RBFOX1: variants seen among roughly 807,000 people sequenced by gnomAD.
RBFOX1 encodes the protein RNA binding fox-1 homolog 1.
A neutral mutation model predicts 57.7 loss-of-function variants in RBFOX1; 8 were observed. The ratio of observed to expected loss-of-function variants is 0.14; its 90% CI spans 0.08 to 0.25. The LOEUF (loss-of-function observed/expected upper bound fraction) is 0.25. Ranked by LOEUF, RBFOX1 falls within the 10% of genes least tolerant of loss-of-function variation. RBFOX1 has a pLI of 1.00. For missense variants in RBFOX1, 611 were observed against 548.5 expected (o/e 1.11, Z -1.14); for synonymous variants, 326 against 222.4 (o/e 1.47, Z -4.15).
rs189921684 is a variant in RBFOX1, at chr16:5,808,498, A to G, written c.319-58805A>G. Among the ~76,000 whole-genome samples, 206 of 152,284 alleles carry G rather than the reference A, an allele frequency of 1.4e-3. 1 individual carries two copies. Among genetic ancestry groups the G allele is most frequent in the Non-Finnish European group, 1.3e-3 (88 of 68,030 alleles). The stretch of plus-strand genomic sequence containing the variant: ...GATGGAGATGGCATTGAATCTATCA[A>G]TTACCTTGGGCAGTATGGCCATTTT... On this transcript the variant is annotated intron_variant, in intron 3 of 19. Coordinates refer to the RBFOX1 transcript ENST00000641259.
chr16:7,412,566 T>C lies in RBFOX1; in HGVS notation c.28-105581T>C, dbSNP rs1162525770. Reference sequence around the variant, plus strand: ...AATAAACATAAGCCCACACAAAAAATATGGACTAATCAAATACTTTCTAGA... The same window carrying C: ...AATAAACATAAGCCCACACAAAAAACATGGACTAATCAAATACTTTCTAGA... On this transcript the variant is annotated intron_variant, in intron 4 of 15. Transcript: ENST00000550418. 2.6e-5 allele frequency among the ~76,000 whole-genome samples: 4 copies of C among 152,102 alleles called. No individual in the cohort carries two copies. The East Asian group carries it at 7.7e-4, about 29-fold the overall frequency.
Position 6,900,781 on chromosome 16 carries a change from C to T in RBFOX1, c.-15-151276C>T, listed in dbSNP as rs566070727. ...TCTACGTGTAAGACCCTCTCCTCTT[C>T]CTTCACAGCACACAATGCCATTCCT... On this transcript the variant is annotated intron_variant, in intron 3 of 15. Coordinates refer to ENST00000550418, the MANE Select transcript of RBFOX1 (RefSeq NM_018723.4). Among the ~76,000 whole-genome samples the T allele has an allele frequency of 3.9e-5, 6 of 152,328 alleles. No homozygotes were observed. The East Asian group carries it at 1.2e-3, about 29-fold the overall frequency.
rs146605158 is a variant in RBFOX1, at chr16:5,287,486, C to T, written c.219+47381C>T. On this transcript the variant is annotated intron_variant, in intron 1 of 2. Transcript: ENST00000585867. Reference sequence around the variant, plus strand: ...AAAATCTACAGAGATAAAGGACGGTCGCCCTTGTATCCGTTAGTTGTTGTC... The same window carrying T: ...AAAATCTACAGAGATAAAGGACGGTTGCCCTTGTATCCGTTAGTTGTTGTC... 6.7e-3 allele frequency among the ~76,000 whole-genome samples: 1,022 copies of T among 152,312 alleles called. 7 individuals are homozygous for T. The highest frequency in any genetic ancestry group is 0.02 in the Middle Eastern group (6 of 294).
intron 3 of RBFOX1, among the ~76,000 whole-genome samples, chr16:6,808,178 G>GTGTGTGTGTGTGTGTGTGTGTA (rs1318609964): frequency 4.3e-4 from 63 of 145,572 alleles, no homozygotes; most frequent in African/African-American, 1.6e-3. Flanking sequence ...GTGTGTGTGT[G>GTGTGTGTGTGTGTGTGTGTGTA]TATATATATA....
intron 4 of RBFOX1, among the ~76,000 whole-genome samples, chr16:5,987,265 T>A (rs1374346874): frequency 6.6e-6 from 1 of 152,224 alleles, no homozygotes; most frequent in Non-Finnish European, 1.5e-5. Flanking sequence ...GTTATTTTTA[T>A]ATTCTGGATA....
At chr16:6,957,406 G>A (rs531835260) in intron 3 of RBFOX1, among the ~76,000 whole-genome samples, 7 of 149,902 alleles carry the variant, frequency 4.7e-5, no homozygotes, top group South Asian at 2.1e-4. Flanking sequence ...ACGCTCAGCC[G>A]GTTATTTCTT....
intron 1 of RBFOX1, among the ~76,000 whole-genome samples, chr16:5,377,902 T>A (rs552435282): frequency 3.6e-4 from 55 of 151,850 alleles, no homozygotes; most frequent in African/African-American, 1.3e-3. Flanking sequence ...AGAACAGTTT[T>A]CCGTTTGAAA....
intron 4 of RBFOX1, among the ~76,000 whole-genome samples, chr16:7,068,754 A>AT (rs1243161956): frequency 6.6e-6 from 1 of 151,892 alleles, no homozygotes; most frequent in African/African-American, 2.4e-5. Context: ...CACCCAGCTA[A>AT]TTTTTTGTAT....
At chr16:6,598,131 C>T (rs1276886900) in intron 2 of RBFOX1, among the ~76,000 whole-genome samples, 1 of 152,174 alleles carries the variant, frequency 6.6e-6, no homozygotes, top group East Asian at 1.9e-4. Context: ...CCAATGTATC[C>T]ACATCCGTGT....
chr16:6,632,351 G>T (rs563976394), intron 2 of RBFOX1, among the ~76,000 whole-genome samples: 8 of 152,130 alleles, frequency 5.3e-5, no homozygotes, highest in African/African-American at 1.9e-4. Flanking sequence ...AAAAAAAAAG[G>T]TCTGAACTTG....
intron 5 of RBFOX1, among the ~76,000 whole-genome samples, chr16:7,541,399 T>C (rs1360156626): frequency 2.6e-5 from 4 of 152,182 alleles, no homozygotes; most frequent in Admixed American, 2.0e-4. Flanking sequence ...TGATAGGAGA[T>C]TGCTCCTTTC....
At chr16:5,380,467 G>A (rs980915984) in intron 1 of RBFOX1, among the ~76,000 whole-genome samples, 3 of 152,306 alleles carry the variant, frequency 2.0e-5, no homozygotes, top group South Asian at 4.2e-4. Flanking sequence ...TATACTAAAT[G>A]TGCACTTGTA....
chr16:7,449,943 C>G (rs192427627), intron 4 of RBFOX1, among the ~76,000 whole-genome samples: 1 of 152,000 alleles, frequency 6.6e-6, no homozygotes, highest in Admixed American at 6.6e-5. Flanking sequence ...AGAGTTGTCT[C>G]TCTGACTGCA....
chr16:7,664,762 G>C, intron 12 of RBFOX1, 167 bp from the exon 13 acceptor site: 1 of 1,237,096 alleles, frequency 8.1e-7, no homozygotes. Context: ...TTCTCGGTTT[G>C]CTCAACTGCC....
At chr16:6,811,860 G>C (rs1048924105) in intron 3 of RBFOX1, among the ~76,000 whole-genome samples, 7 of 152,176 alleles carry the variant, frequency 4.6e-5, no homozygotes, top group Non-Finnish European at 1.0e-4. Flanking sequence ...TTGCACTCGA[G>C]CCTGGGCAAC....
At chr16:7,568,075 A>C (rs2092314925) in intron 5 of RBFOX1, among the ~76,000 whole-genome samples, 1 of 152,068 alleles carries the variant, frequency 6.6e-6, no homozygotes, top group Non-Finnish European at 1.5e-5. Context: ...GCTACTGGAA[A>C]GGGGTCCTGA....
At chr16:5,712,847 A>C (rs191561774) in intron 3 of RBFOX1, among the ~76,000 whole-genome samples, 9 of 152,094 alleles carry the variant, frequency 5.9e-5, no homozygotes, top group East Asian at 1.9e-4. Flanking sequence ...ACTCCACCCA[A>C]CTTCCACCCC....
intron 2 of RBFOX1, among the ~76,000 whole-genome samples, chr16:5,578,814 G>A (rs1048563317): frequency 1.3e-4 from 20 of 148,744 alleles, no homozygotes; most frequent in Non-Finnish European, 2.2e-4. Flanking sequence ...AAGTACTAGC[G>A]CATGAAACCT....
intron 1 of RBFOX1, among the ~76,000 whole-genome samples, chr16:6,134,997 C>A (rs959031019): frequency 1.3e-5 from 2 of 152,098 alleles, no homozygotes; most frequent in Non-Finnish European, 2.9e-5. Context: ...CGTCCCCCCT[C>A]CCCTGACCCC....
Sources: allele counts gnomAD v4.1 joint callset (sites outside exome capture counted in the v4.1 genomes callset), GRCh38; gene constraint gnomAD v4.1.1; transcripts MANE v1.5; gene names NCBI Gene and HGNC (gene_info 2026-07-23, HGNC 2026-07-21).